The following SGCZ variants were observed in gnomAD, a reference collection of about 807,000 sequenced individuals.
SGCZ encodes the protein zeta-sarcoglycan.
A neutral mutation model predicts 41.3 loss-of-function variants in SGCZ; 40 were observed. That is an observed-to-expected ratio of 0.97 (90% CI 0.75 to 1.26). The LOEUF is 1.26. Among genes scored for constraint, SGCZ ranks in the 50% most tolerant of loss-of-function variants. The probability of loss-of-function intolerance (pLI) is 0.00; values close to 1 mark genes in which losing one functional copy is unlikely to be tolerated. For missense variants in SGCZ, 552 were observed against 369.8 expected, an observed-to-expected ratio of 1.49 and a Z score of -4.04; for synonymous variants, 206 against 137.5, an observed-to-expected ratio of 1.50 and a Z score of -3.49.
chr8:14,958,745 T>C (rs1800872427), intron 1 of SGCZ, among the ~76,000 whole-genome samples: 1 of 152,058 alleles, frequency 6.6e-6, no homozygotes, highest in Non-Finnish European at 1.5e-5. Flanking sequence ...CTAAAAAATA[T>C]TGAACTCTAT....
chr8:14,148,836 A>T (rs1803607135), intron 5 of SGCZ, among the ~76,000 whole-genome samples: 2 of 152,298 alleles, frequency 1.3e-5, no homozygotes, highest in South Asian at 4.1e-4. Context: ...AAAATCATTC[A>T]TCATGACCAA....
At chr8:14,292,785 T>C (rs78229904) in intron 3 of SGCZ, among the ~76,000 whole-genome samples, 4,651 of 151,922 alleles carry the variant, frequency 0.031, 234 homozygotes, top group African/African-American at 0.11. Context: ...CCAATATCAC[T>C]AGGCTTTTCT....
At chr8:14,784,816 C>T (rs573093413) in intron 1 of SGCZ, among the ~76,000 whole-genome samples, 9 of 147,230 alleles carry the variant, frequency 6.1e-5, no homozygotes, top group South Asian at 4.3e-4. Flanking sequence ...GCAGGAGAAT[C>T]ACTTGAACCT....
chr8:14,685,305 A>G (rs1324961426), intron 1 of SGCZ, among the ~76,000 whole-genome samples: 1 of 152,112 alleles, frequency 6.6e-6, no homozygotes, highest in Non-Finnish European at 1.5e-5. Flanking sequence ...CCAATTACAG[A>G]GTAAAAAAGA....
chr8:14,266,550 G>C (rs1165690213), intron 3 of SGCZ, among the ~76,000 whole-genome samples: 1 of 152,096 alleles, frequency 6.6e-6, no homozygotes, highest in Non-Finnish European at 1.5e-5. Flanking sequence ...AATGGAGAGA[G>C]AAGGAAAGGG....
intron 1 of SGCZ, among the ~76,000 whole-genome samples, chr8:15,125,237 C>G (rs936368680): frequency 3.3e-5 from 5 of 152,112 alleles, no homozygotes; most frequent in African/African-American, 7.2e-5. Context: ...AGGAAAAACT[C>G]AAAATAATTG....
At chr8:14,432,143 G>C (rs1027687344) in intron 2 of SGCZ, among the ~76,000 whole-genome samples, 1 of 152,276 alleles carries the variant, frequency 6.6e-6, no homozygotes, top group Admixed American at 6.5e-5. Context: ...AGAACTAAAA[G>C]TAGAACTACC....
chr8:14,386,277 TA>T, intron 2 of SGCZ, among the ~76,000 whole-genome samples: 1 of 148,012 alleles, frequency 6.8e-6, no homozygotes, highest in Non-Finnish European at 1.5e-5. Flanking sequence ...GTATCAATGA[TA>T]AAAATCTTTT....
chr8:15,099,828 T>C (rs551576957), intron 1 of SGCZ, among the ~76,000 whole-genome samples: 1 of 152,160 alleles, frequency 6.6e-6, no homozygotes, highest in African/African-American at 2.4e-5. Context: ...ATCTATCACA[T>C]TAACAGGCTA....
At chr8:15,072,572 T>C (rs1805395341) in intron 1 of SGCZ, among the ~76,000 whole-genome samples, 1 of 152,188 alleles carries the variant, frequency 6.6e-6, no homozygotes, top group Admixed American at 6.5e-5. Flanking sequence ...CTTTTCTAGC[T>C]AAGCTGTGTA....
In SGCZ at chr8:14,601,176, C is replaced by T. The variant is rs369398587; in HGVS notation, c.40-46250G>A. ...GGTAGGTTCAATAACATTTTACATG[C>T]AGCTATAATTTATTCATTTCACTGC... On this transcript the variant is annotated intron_variant, in intron 1 of 7. Transcript: ENST00000382080. 8.6e-5 allele frequency among the ~76,000 whole-genome samples: 13 copies of T among 151,894 alleles called. No individual in the cohort carries two copies. The East Asian group carries it at 1.9e-3, about 23-fold the overall frequency.
intron 1 of SGCZ, among the ~76,000 whole-genome samples, chr8:15,191,126 G>C (rs926387338): frequency 6.6e-6 from 1 of 151,900 alleles, no homozygotes; most frequent in East Asian, 1.9e-4. Context: ...CTTAATAATT[G>C]TGCAGTGCAT....
At chr8:14,552,792 G>T (rs963829422) in intron 2 of SGCZ, among the ~76,000 whole-genome samples, 1 of 151,940 alleles carries the variant, frequency 6.6e-6, no homozygotes, top group Non-Finnish European at 1.5e-5. Context: ...ATGTAATTAC[G>T]CATTTAAGTA....
At chr8:14,824,557 T>C (rs1257251324) in intron 1 of SGCZ, among the ~76,000 whole-genome samples, 1 of 152,060 alleles carries the variant, frequency 6.6e-6, no homozygotes, top group Non-Finnish European at 1.5e-5. Context: ...CTGGCTTCCA[T>C]AATAAAGACC....
intron 2 of SGCZ, among the ~76,000 whole-genome samples, chr8:14,427,416 A>G (rs538645268): frequency 3.9e-5 from 6 of 152,330 alleles, no homozygotes; most frequent in Middle Eastern, 3.4e-3. Context: ...TGGACCATGT[A>G]AATTCTTTGA....
At chr8:15,194,749 C>G (rs1220716598) in intron 1 of SGCZ, among the ~76,000 whole-genome samples, 1 of 152,126 alleles carries the variant, frequency 6.6e-6, no homozygotes, top group African/African-American at 2.4e-5. Flanking sequence ...GAAGTTAGAA[C>G]AGGTAAGGAA....
At chr8:14,996,906 T>C (rs1183283636) in intron 1 of SGCZ, among the ~76,000 whole-genome samples, 1 of 152,234 alleles carries the variant, frequency 6.6e-6, no homozygotes, top group Non-Finnish European at 1.5e-5. Context: ...AGTCAGTTAT[T>C]TGCAGTTTAC....
At chr8:14,598,517 T>TTA (rs545756057) in intron 1 of SGCZ, among the ~76,000 whole-genome samples, 8 of 151,906 alleles carry the variant, frequency 5.3e-5, no homozygotes, top group Non-Finnish European at 1.0e-4. Flanking sequence ...ACACATAGTT[T>TTA]TATATATATA....
At chr8:14,328,526 G>A (rs574978169) in intron 2 of SGCZ, among the ~76,000 whole-genome samples, 129 of 152,216 alleles carry the variant, frequency 8.5e-4, no homozygotes, top group Non-Finnish European at 1.3e-3. Flanking sequence ...GATGTAGAAA[G>A]CTTAAAATAG....
Sources: gnomAD v4.1 joint callset for allele counts (sites outside exome capture counted in the v4.1 genomes callset) on GRCh38, gnomAD v4.1.1 for gene constraint, MANE v1.5 for transcripts, NCBI Gene and HGNC (gene_info 2026-07-23, HGNC 2026-07-21) for gene names.